CCDC171: variants seen among roughly 807,000 people sequenced by gnomAD.
CCDC171 encodes the protein coiled-coil domain containing 171.
In CCDC171, 177 loss-of-function variants were observed where a neutral mutation model predicts 168.2. The ratio of observed to expected loss-of-function variants is 1.05; its 90% CI spans 0.93 to 1.19. CCDC171 has a LOEUF of 1.19. CCDC171 is among the 50% of genes most tolerant of loss of function. The probability of loss-of-function intolerance (pLI) is 0.00; values close to 1 mark genes in which losing one functional copy is unlikely to be tolerated. For missense variants in CCDC171, 1,991 were observed against 1,539.0 expected, an observed-to-expected ratio of 1.29 and a Z score of -4.91; for synonymous variants, 687 against 540.8, an observed-to-expected ratio of 1.27 and a Z score of -3.75.
chr9:15,710,490 A>T (rs2134013980), intron 11 of CCDC171, among the ~76,000 whole-genome samples: 1 of 152,024 alleles, frequency 6.6e-6, no homozygotes, highest in Admixed American at 6.5e-5. Context: ...TTTTTGGTAG[A>T]TGGGGTTTCA....
At chr9:15,950,773 A>G (rs1328183118) in intron 25 of CCDC171, among the ~76,000 whole-genome samples, 1 of 151,984 alleles carries the variant, frequency 6.6e-6, no homozygotes, top group African/African-American at 2.4e-5. Context: ...ACACATAACA[A>G]TATTAACCTT....
intron 25 of CCDC171, among the ~76,000 whole-genome samples, chr9:15,966,050 A>T (rs1830759202): frequency 6.6e-6 from 1 of 152,222 alleles, no homozygotes; most frequent in South Asian, 2.1e-4. Flanking sequence ...ATATTCTGCT[A>T]AGTGCTAGGG....
chr9:15,745,398 A>G (rs2055196769), intron 17 of CCDC171, 117 bp from the exon 18 acceptor site: 2 of 504,416 alleles, frequency 4.0e-6, no homozygotes, highest in South Asian at 4.7e-5. Flanking sequence ...CACATTAGGC[A>G]ATGTTCACAA....
At chr9:15,574,585 C>T (rs942643582) in intron 3 of CCDC171, among the ~76,000 whole-genome samples, 1 of 152,124 alleles carries the variant, frequency 6.6e-6, no homozygotes, top group East Asian at 1.9e-4. Context: ...CTGTGCCTGG[C>T]CTTCAATTAT....
chr9:15,637,343 C>T (rs200673798), intron 7 of CCDC171, among the ~76,000 whole-genome samples: 88 of 151,872 alleles, frequency 5.8e-4, no homozygotes, highest in African/African-American at 1.7e-3. Flanking sequence ...GTGCACAACC[C>T]GGTATTGACT....
At chr9:15,771,032 A>G (rs536247415) in intron 18 of CCDC171, among the ~76,000 whole-genome samples, 36 of 152,308 alleles carry the variant, frequency 2.4e-4, no homozygotes, top group Admixed American at 7.8e-4. Context: ...AAATAAATCT[A>G]TATCATTAAT....
At chr9:15,937,455 T>C (rs1827239816) in intron 25 of CCDC171, among the ~76,000 whole-genome samples, 2 of 152,016 alleles carry the variant, frequency 1.3e-5, no homozygotes, top group Admixed American at 6.6e-5. Context: ...TCCAATACTT[T>C]AGAATTTTCT....
intron 9 of CCDC171, among the ~76,000 whole-genome samples, chr9:15,669,061 C>G (rs1587852084): frequency 6.6e-6 from 1 of 152,070 alleles, no homozygotes; most frequent in Non-Finnish European, 1.5e-5. Flanking sequence ...GGTTAAGGTT[C>G]TTTAAGCTTC....
At chr9:16,051,241 T>G (rs1017811275) in intron 1 of CCDC171, among the ~76,000 whole-genome samples, 1 of 152,202 alleles carries the variant, frequency 6.6e-6, no homozygotes, top group Non-Finnish European at 1.5e-5. Context: ...TCTGCTGGGT[T>G]CTGCTGTCAT....
chr9:15,781,765 C>T (rs111553556), intron 20 of CCDC171, among the ~76,000 whole-genome samples: 6 of 152,212 alleles, frequency 3.9e-5, no homozygotes, highest in African/African-American at 9.6e-5. Context: ...AAGTACGTGA[C>T]GATTTCTAAC....
At position 15,587,763 on chromosome 9, in the gene CCDC171, G is replaced by T. The variant is rs78110312; in HGVS notation, c.353-3603G>T. ...ACTTTTAATGAGAGTAGACAACCAA[G>T]AGTTACCAGATATATGAGGAAACCC... On this transcript the variant is annotated intron_variant, in intron 4 of 25. Transcript: ENST00000380701. 6.4e-3 allele frequency: 2,516 copies of T among 390,924 alleles called. 66 individuals are homozygous for T. The highest frequency in any genetic ancestry group is 0.046 in the African/African-American group (2,211 of 48,086). 24.2% of individuals were successfully genotyped at this position (390,924 alleles called of 1,614,324 possible). A position where few individuals can be genotyped will look rare whatever the true frequency, so the allele number is the denominator to read the frequency against.
chr9:15,826,381 CA>C, intron 21 of CCDC171, among the ~76,000 whole-genome samples: 1 of 151,998 alleles, frequency 6.6e-6, no homozygotes, highest in Non-Finnish European at 1.5e-5. Context: ...ATGGCCACAG[CA>C]ATATTTCTGA....
At chr9:15,827,988 T>C (rs2060083750) in intron 21 of CCDC171, among the ~76,000 whole-genome samples, 1 of 152,174 alleles carries the variant, frequency 6.6e-6, no homozygotes, top group Admixed American at 6.5e-5. Context: ...CTTAGAAGTC[T>C]TCAATAGTAG....
chr9:16,084,834 A>T, the CCDC171 span, among the ~76,000 whole-genome samples: 36 of 152,310 alleles, frequency 2.4e-4, no homozygotes, highest in East Asian at 6.8e-3. Flanking sequence ...CCGGTGAGGT[A>T]AGGCAGCGTG....
chr9:15,643,307 C>T (rs1033971003), intron 7 of CCDC171, among the ~76,000 whole-genome samples: 1 of 152,026 alleles, frequency 6.6e-6, no homozygotes, highest in Non-Finnish European at 1.5e-5. Flanking sequence ...GAACCTTATC[C>T]TTTATACTTT....
rs926802868 is a variant in CCDC171, at chr9:15,770,514, C to G, written c.2672-7086C>G. On this transcript the variant is annotated intron_variant, in intron 18 of 25. Transcript: ENST00000380701. ...TCTACAGTACAAATGTATCATTTGT[C>G]TAAAATGATAACAGAAGTATCATTT... 1.3e-5 allele frequency among the ~76,000 whole-genome samples: 2 copies of G among 152,218 alleles called. 1 individual carries two copies. The highest frequency in any genetic ancestry group is 6.8e-3 in the Middle Eastern group (2 of 294).
intron 24 of CCDC171, among the ~76,000 whole-genome samples, chr9:15,909,686 ATAT>A (rs147821628): frequency 0.013 from 2,054 of 152,266 alleles, 56 homozygotes; most frequent in African/African-American, 0.047. Flanking sequence ...AATTTGTAAA[ATAT>A]TATTAAAATA....
In CCDC171 at chr9:15,564,136, C is replaced by G. The variant is rs775109124; in HGVS notation, c.41+7C>G. The G allele has an allele frequency of 3.1e-6, 5 of 1,601,204 alleles. 1 individual carries two copies. The South Asian group carries it at 5.6e-5, about 18-fold the overall frequency. Reference sequence around the variant, plus strand: ...ATACTGGTGATACCCAAAGGTAAGCCTCTAGTCTCTTCTTTTAGTTGATGA... The same window carrying G: ...ATACTGGTGATACCCAAAGGTAAGCGTCTAGTCTCTTCTTTTAGTTGATGA... On this transcript the variant is annotated splice_region_variant and intron_variant, in intron 2 of 25. Coordinates refer to ENST00000380701, the MANE Select transcript of CCDC171 (RefSeq NM_173550.4).
chr9:15,790,072 G>A (rs1389044865), intron 21 of CCDC171, among the ~76,000 whole-genome samples: 6 of 152,198 alleles, frequency 3.9e-5, no homozygotes, highest in Non-Finnish European at 5.9e-5. Flanking sequence ...GTGTGCATGT[G>A]TGTTTATAGC....
Sources: allele counts gnomAD v4.1 joint callset (sites outside exome capture counted in the v4.1 genomes callset), GRCh38; gene constraint gnomAD v4.1.1; transcripts MANE v1.5; gene names NCBI Gene and HGNC (gene_info 2026-07-23, HGNC 2026-07-21).